Variants in SLC25A41 observed in about 807,000 individuals in gnomAD.
The protein encoded by SLC25A41 is solute carrier family 25 member 41, also known as mitochondrial carrier protein SCaMC-3L.
A neutral mutation model predicts 34.7 loss-of-function variants in SLC25A41; 35 were observed. The observed-to-expected ratio is 1.01, with a 90% CI of 0.77 to 1.34. The LOEUF is 1.34. Among genes scored for constraint, SLC25A41 ranks in the 40% most tolerant of loss-of-function variants. The pLI is 0.00. For missense variants in SLC25A41, 492 were observed against 489.8 expected (o/e 1.00, Z -0.04); for synonymous variants, 190 against 209.9 (o/e 0.91, Z 0.82).
At chr19:6,426,989 G>T in intron 6 of SLC25A41, 114 bp downstream of exon 6, 1 of 1,186,634 alleles carries the variant, frequency 8.4e-7, no homozygotes, top group Non-Finnish European at 1.2e-6. Context: ...ATCAAAAGTG[G>T]GCTGGGATCA....
At chr19:6,429,371 A>AAG (rs2092270671) in intron 4 of SLC25A41, among the ~76,000 whole-genome samples, 1 of 490 alleles carries the variant, frequency 2.0e-3, no homozygotes. Flanking sequence ...AGGAGGAGGG[A>AAG]GAAAGGAAAG....
At chr19:6,429,453 A>G (rs1599256584) in intron 4 of SLC25A41, among the ~76,000 whole-genome samples, 1 of 19,298 alleles carries the variant, frequency 5.2e-5, no homozygotes, top group East Asian at 1.9e-3. Context: ...GAGGAGGAAG[A>G]AAGGAGGGGA....
Position 6,427,299 on chromosome 19 carries a change from G to C in SLC25A41, c.792+35C>G. 1 of 1,605,858 alleles carries C rather than the reference G, an allele frequency of 6.2e-7. No homozygotes were observed. Among genetic ancestry groups the C allele is most frequent in the Non-Finnish European group, 8.5e-7 (1 of 1,175,060 alleles). On this transcript the variant is annotated intron_variant, in intron 5 of 6. Coordinates refer to ENST00000321510, the MANE Select transcript of SLC25A41 (RefSeq NM_173637.4). This position sits in a 1 kb window ranked among gnomAD's most constrained non-coding sequence, Gnocchi z 4.9. Reference sequence around the variant, plus strand: ...AAAGCTCACTAGGAGCCTGGGCTCCGGCCAGCCCTGCCACCCCCTCTGCAG... The same window carrying C: ...AAAGCTCACTAGGAGCCTGGGCTCCCGCCAGCCCTGCCACCCCCTCTGCAG...
intron 1 of SLC25A41, among the ~76,000 whole-genome samples, chr19:6,432,681 C>G (rs2092291312): frequency 6.6e-6 from 1 of 151,524 alleles, no homozygotes; most frequent in African/African-American, 2.4e-5. Context: ...ACCGCTGTCC[C>G]CCTGGTTCAA....
chr19:6,433,445 C>T (rs1599261028), intron 1 of SLC25A41, 42 bp downstream of exon 1: 1 of 1,593,998 alleles, frequency 6.3e-7, no homozygotes, highest in Middle Eastern at 2.3e-4. Flanking sequence ...TCCCTGTAGT[C>T]CTGACCAGAG....
chr19:6,436,220 G>T, upstream of SLC25A41: 1 of 280,616 alleles, frequency 3.6e-6, no homozygotes, highest in Non-Finnish European at 7.4e-6. Flanking sequence ...CCGCTGAGCC[G>T]GCTGTTCCCG....
intron 4 of SLC25A41, among the ~76,000 whole-genome samples, chr19:6,429,041 T>G (rs865902395): frequency 2.0e-5 from 1 of 50,668 alleles, no homozygotes; most frequent in African/African-American, 1.3e-4. Context: ...ATATATATAA[T>G]ATATATATTA....
intron 1 of SLC25A41, among the ~76,000 whole-genome samples, chr19:6,432,572 C>G (rs111231660): frequency 1.4e-3 from 211 of 146,938 alleles, no homozygotes; most frequent in African/African-American, 5.1e-3. Flanking sequence ...TTCAACCCTC[C>G]CCCCTGGTTT....
At chr19:6,431,255 C>T (rs187158226) in intron 2 of SLC25A41, among the ~76,000 whole-genome samples, 15 of 151,218 alleles carry the variant, frequency 9.9e-5, no homozygotes, top group East Asian at 9.9e-4. Flanking sequence ...CCACTGCACC[C>T]GTTTATTTTT....
In SLC25A41 at chr19:6,429,059, G is replaced by T. The variant is rs60458314; in HGVS notation, c.624+665C>A. Among the ~76,000 whole-genome samples, 7 of 24,220 alleles carry T rather than the reference G, an allele frequency of 2.9e-4. 2 individuals carry two copies. Among genetic ancestry groups the T allele is most frequent in the African/African-American group, 1.4e-3 (6 of 4,310 alleles). The allele number at this position is 24,220 out of a possible 152,430, so 15.9% of individuals were successfully genotyped here. A position where few individuals can be genotyped will look rare whatever the true frequency, so the allele number is the denominator to read the frequency against. ...TATATAATATATATATTATATATATGTTATATATATATATAATATATATAT... is the reference window on the plus strand; with the variant it reads ...TATATAATATATATATTATATATATTTTATATATATATATAATATATATAT... On this transcript the variant is annotated intron_variant, in intron 4 of 6. Coordinates refer to ENST00000321510, the MANE Select transcript of SLC25A41 (RefSeq NM_173637.4).
At position 6,432,209 on chromosome 19, in the gene SLC25A41, A is replaced by T; in HGVS notation, c.208-5T>A. The T allele has an allele frequency of 6.2e-7, 1 of 1,612,206 alleles. No individual in the cohort carries two copies. Among genetic ancestry groups the T allele is most frequent in the Admixed American group, 1.7e-5 (1 of 59,836 alleles). On this transcript the variant is annotated splice_polypyrimidine_tract_variant and splice_region_variant and intron_variant, in intron 1 of 6. Transcript: ENST00000321510. ...CTGCTCTCCTGTGTCCAGTACCTGC[A>T]GGGCAGACCCGGCCCTCCCTCATCC...
chr19:6,434,865 A>G (rs2092301596), upstream of SLC25A41, among the ~76,000 whole-genome samples: 1 of 151,858 alleles, frequency 6.6e-6, no homozygotes, highest in Non-Finnish European at 1.5e-5. Flanking sequence ...GCCGAGATTG[A>G]GCCATTGCAC....
chr19:6,436,042 C>T (rs1568353814), upstream of SLC25A41: 3 of 161,264 alleles, frequency 1.9e-5, no homozygotes, highest in Non-Finnish European at 1.4e-5. Context: ...AAAACCGAAA[C>T]CAAACAAACA....
At chr19:6,428,416 G>A (rs1200860606) in intron 4 of SLC25A41, among the ~76,000 whole-genome samples, 10 of 143,474 alleles carry the variant, frequency 7.0e-5, no homozygotes, top group African/African-American at 1.5e-4. Flanking sequence ...AAAAAAAAAA[G>A]AAAAAGAAAG....
In SLC25A41 at chr19:6,426,604, C is replaced by T. The variant is rs762028586; in HGVS notation, c.941-43G>A. The stretch of plus-strand genomic sequence containing the variant: ...AGATCAGGACTAGGCCAGAGATGAC[C>T]GGGCCTCCTAGGAGTCTGGAATGTT... On this transcript the variant is annotated intron_variant, in intron 6 of 6. Coordinates refer to ENST00000321510, the MANE Select transcript of SLC25A41 (RefSeq NM_173637.4). 28 of 1,593,004 alleles carry T rather than the reference C, an allele frequency of 1.8e-5. No individual in the cohort carries two copies. In the East Asian group the frequency reaches 2.9e-4, roughly 17 times the overall value.
At chr19:6,429,339 GGA>G in intron 4 of SLC25A41, among the ~76,000 whole-genome samples, 1 of 84,878 alleles carries the variant, frequency 1.2e-5, no homozygotes, top group Non-Finnish European at 2.4e-5. Context: ...AGGTAAAGGG[GGA>G]AGAGGGAGAG....
intron 2 of SLC25A41, among the ~76,000 whole-genome samples, 171 bp from the exon 3 acceptor site, chr19:6,430,332 G>T: frequency 6.6e-6 from 1 of 150,782 alleles, no homozygotes; most frequent in Non-Finnish European, 1.5e-5. Context: ...AGAATCGCAT[G>T]CAACCCTGAC....
chr19:6,433,237 T>G (rs1409685362), intron 1 of SLC25A41, among the ~76,000 whole-genome samples: 4 of 149,516 alleles, frequency 2.7e-5, no homozygotes, highest in Admixed American at 6.6e-5. Context: ...TTAGTAGAGA[T>G]AGGGTTTCGG....
chr19:6,435,092 T>A (rs191149956), upstream of SLC25A41, among the ~76,000 whole-genome samples: 88 of 151,598 alleles, frequency 5.8e-4, no homozygotes, highest in East Asian at 0.015. Flanking sequence ...GGCATGGTGG[T>A]CCATGCCTGT....
Sources: gnomAD v4.1 joint callset for allele counts (sites outside exome capture counted in the v4.1 genomes callset) on GRCh38, gnomAD v4.1.1 for gene constraint, Gnocchi (gnomAD v3.1) non-coding constraint, MANE v1.5 for transcripts, NCBI Gene and HGNC (gene_info 2026-07-23, HGNC 2026-07-21) for gene names.